The following PAX5 variants were observed in gnomAD, a reference collection of about 807,000 sequenced individuals.
The protein encoded by PAX5 is paired box 5, also known as paired box protein Pax-5.
Under a neutral mutation model 43.7 loss-of-function variants are expected in PAX5, and 9 were observed. The observed-to-expected ratio is 0.21, with a 90% CI of 0.12 to 0.36. The LOEUF is 0.36. Among genes scored for constraint, PAX5 ranks in the 10% least tolerant of loss-of-function variants. The pLI is 1.00. For synonymous variants in PAX5, 228 were observed against 214.3 expected (o/e 1.06, Z -0.56); for missense variants, 383 against 532.7 (o/e 0.72, Z 2.77).
At chr9:36,895,107 C>T (rs7045186) in intron 7 of PAX5, among the ~76,000 whole-genome samples, 3,410 of 152,292 alleles carry the variant, frequency 0.022, 135 homozygotes, top group African/African-American at 0.078. Context: ...CCCTACCACA[C>T]GCTTTCATTT....
intron 5 of PAX5, among the ~76,000 whole-genome samples, chr9:36,977,684 C>T (rs1276529561): frequency 2.6e-5 from 4 of 152,202 alleles, no homozygotes; most frequent in African/African-American, 9.7e-5. Flanking sequence ...GTATGCACCA[C>T]CACACCCGGC....
intron 8 of PAX5, among the ~76,000 whole-genome samples, chr9:36,869,449 G>A (rs1227889605): frequency 2.0e-5 from 3 of 152,252 alleles, no homozygotes; most frequent in Non-Finnish European, 4.4e-5. Flanking sequence ...CACCAGGGAT[G>A]TCTTGGAAAG....
chr9:36,856,819 C>A (rs1428274206), intron 8 of PAX5, among the ~76,000 whole-genome samples: 1 of 152,154 alleles, frequency 6.6e-6, no homozygotes, highest in Non-Finnish European at 1.5e-5. Context: ...AAGAGCAGTA[C>A]CAGACTGAAG....
chr9:36,959,233 G>C (rs767603298), intron 6 of PAX5, among the ~76,000 whole-genome samples: 16 of 152,176 alleles, frequency 1.1e-4, no homozygotes, highest in Non-Finnish European at 1.8e-4. Flanking sequence ...GGTTGGAAAG[G>C]CATTGGCATT....
chr9:36,920,228 G>T (rs1830059174), intron 7 of PAX5, among the ~76,000 whole-genome samples: 1 of 152,206 alleles, frequency 6.6e-6, no homozygotes, highest in South Asian at 2.1e-4. Flanking sequence ...TAGGGTAGTG[G>T]CAAGGTTTGA....
intron 8 of PAX5, among the ~76,000 whole-genome samples, chr9:36,869,847 AATGGATGG>A (rs113287865): frequency 1.7e-5 from 2 of 117,962 alleles, no homozygotes; most frequent in East Asian, 2.5e-4. Context: ...TGGATGGATA[AATGGATGG>A]ATGGATGGAT....
Position 37,020,701 on chromosome 9 carries a change from G to C in PAX5, c.147C>G (p.Val49=). ...QRIVELAHQG[V]RPCDISRQLR... Reference sequence around the variant, plus strand: ...GCTGCCTGGAGATGTCGCAGGGCCTGACACCTTGATGAGCAAGTTCCACTA... The same window carrying C: ...GCTGCCTGGAGATGTCGCAGGGCCTCACACCTTGATGAGCAAGTTCCACTA... The change falls in exon 2 of 10, where the codon GTC becomes GTG. Residue 49 remains valine, a synonymous_variant. Transcript: ENST00000358127. 1 of 1,614,178 alleles carries C rather than the reference G, an allele frequency of 6.2e-7. No individual in the cohort carries two copies. Among genetic ancestry groups the C allele is most frequent in the Non-Finnish European group, 8.5e-7 (1 of 1,180,026 alleles).
intron 2 of PAX5, among the ~76,000 whole-genome samples, chr9:37,018,247 T>G (rs963591329): frequency 8.5e-5 from 13 of 152,136 alleles, no homozygotes; most frequent in Non-Finnish European, 1.0e-4. Context: ...CTTCTTACTG[T>G]GTAACATACT....
intron 7 of PAX5, among the ~76,000 whole-genome samples, chr9:36,910,820 A>C (rs1563957955): frequency 6.6e-6 from 1 of 152,034 alleles, no homozygotes; most frequent in Non-Finnish European, 1.5e-5. Context: ...AGGCCGCCGG[A>C]CCTCTATGCT....
chr9:36,892,931 A>G (rs1465950178), intron 7 of PAX5, among the ~76,000 whole-genome samples: 2 of 152,236 alleles, frequency 1.3e-5, no homozygotes, highest in African/African-American at 4.8e-5. Context: ...CTGGAGGCGG[A>G]TAGAGGAATT....
intron 6 of PAX5, among the ~76,000 whole-genome samples, chr9:36,935,810 G>T (rs987736529): frequency 2.6e-5 from 4 of 152,230 alleles, no homozygotes; most frequent in African/African-American, 9.6e-5. Flanking sequence ...GTGTGAGAAA[G>T]TGCTAAATGC....
intron 5 of PAX5, among the ~76,000 whole-genome samples, chr9:36,977,966 G>A (rs1835588388): frequency 6.6e-6 from 1 of 152,230 alleles, no homozygotes; most frequent in Admixed American, 6.5e-5. Context: ...AGGGGAAAGG[G>A]AGTGAAGTGT....
At chr9:37,000,511 G>A (rs1231942039) in intron 5 of PAX5, among the ~76,000 whole-genome samples, 1 of 152,198 alleles carries the variant, frequency 6.6e-6, no homozygotes, top group Non-Finnish European at 1.5e-5. Context: ...CCAACACTTT[G>A]GGAGGCCTAG....
intron 7 of PAX5, among the ~76,000 whole-genome samples, chr9:36,902,431 C>G (rs993593685): frequency 2.6e-5 from 4 of 152,126 alleles, no homozygotes; most frequent in African/African-American, 9.7e-5. Context: ...GAAGAAAACA[C>G]GAAGGAAGAT....
intron 7 of PAX5, among the ~76,000 whole-genome samples, chr9:36,911,263 CA>C (rs551854713): frequency 2.0e-5 from 3 of 152,340 alleles, no homozygotes; most frequent in Admixed American, 2.0e-4. Flanking sequence ...CCCGGCCTGG[CA>C]CAGAGCGAGA....
intron 7 of PAX5, among the ~76,000 whole-genome samples, chr9:36,911,077 C>A (rs1009866395): frequency 2.0e-5 from 3 of 152,338 alleles, no homozygotes; most frequent in South Asian, 2.1e-4. Flanking sequence ...GAGATCCCCC[C>A]AGCTGGGCAC....
intron 8 of PAX5, among the ~76,000 whole-genome samples, chr9:36,872,427 AC>A (rs1825572464): frequency 6.6e-6 from 1 of 151,180 alleles, no homozygotes; most frequent in Non-Finnish European, 1.5e-5. Context: ...GGAGCAGAAA[AC>A]CCCCTGGGGT....
chr9:36,838,631 C>T lies in PAX5; in HGVS notation c.*1929G>A, dbSNP rs1359234392. On this transcript the variant is annotated 3_prime_UTR_variant, in exon 10 of 10. Coordinates refer to ENST00000358127, the MANE Select transcript of PAX5 (RefSeq NM_016734.3). ...TCTTTTTCCAGGCTCTTCTGATTCCCGCCCCTCCGAGTGTTCTTGTTTCCC... is the reference window on the plus strand; with the variant it reads ...TCTTTTTCCAGGCTCTTCTGATTCCTGCCCCTCCGAGTGTTCTTGTTTCCC... 9 of 232,982 alleles carry T rather than the reference C, an allele frequency of 3.9e-5. No homozygotes were observed. Among genetic ancestry groups the T allele is most frequent in the Admixed American group, 5.6e-5 (1 of 17,774 alleles). 14.4% of individuals were successfully genotyped at this position (232,982 alleles called of 1,614,324 possible).
chr9:36,926,340 TAA>T (rs1830637839), intron 6 of PAX5, among the ~76,000 whole-genome samples: 1 of 152,244 alleles, frequency 6.6e-6, no homozygotes, highest in Non-Finnish European at 1.5e-5. Flanking sequence ...ATAGAAAGGA[TAA>T]GTCCTGTTTT....
Sources: allele counts gnomAD v4.1 joint callset (sites outside exome capture counted in the v4.1 genomes callset), GRCh38; gene constraint gnomAD v4.1.1; transcripts MANE v1.5; gene names NCBI Gene and HGNC (gene_info 2026-07-23, HGNC 2026-07-21).